The following TMEM207 variants were observed in gnomAD, a reference collection of about 807,000 sequenced individuals.
The protein encoded by TMEM207 is transmembrane protein 207.
A neutral mutation model predicts 17.4 loss-of-function variants in TMEM207; 15 were observed. The observed-to-expected ratio is 0.86, with a 90% confidence interval of 0.58 to 1.33. The LOEUF (loss-of-function observed/expected upper bound fraction) is 1.33, where lower values mean the gene tolerates loss of function less well. Among genes scored for constraint, TMEM207 ranks in the 40% most tolerant of loss-of-function variants. The pLI is 0.00. For synonymous variants in TMEM207, 70 were observed against 65.6 expected (o/e 1.07, Z -0.33); for missense variants, 205 against 173.8 (o/e 1.18, Z -1.01).
At chr3:190,429,967 A>T (rs553882717) in intron 4 of TMEM207, among the ~76,000 whole-genome samples, 109 of 152,292 alleles carry the variant, frequency 7.2e-4, no homozygotes, top group Middle Eastern at 3.4e-3. Flanking sequence ...CTAACCCATC[A>T]AGAAGCATTT....
chr3:190,433,697 G>C (rs754237644), intron 4 of TMEM207, among the ~76,000 whole-genome samples: 9 of 152,088 alleles, frequency 5.9e-5, no homozygotes, highest in African/African-American at 1.9e-4. Flanking sequence ...ACATTTGAGA[G>C]GGGGGAGAAA....
Position 190,447,839 on chromosome 3 carries a change from G to C in TMEM207, c.76-12C>G, listed in dbSNP as rs1183358889. Reference sequence around the variant, plus strand: ...TCCGAGAGCACCAACTGAAACACATGTTTAGAACAATAAAATCCAAACATC... The same window carrying C: ...TCCGAGAGCACCAACTGAAACACATCTTTAGAACAATAAAATCCAAACATC... On this transcript the variant is annotated splice_polypyrimidine_tract_variant and intron_variant, in intron 1 of 4. Transcript: ENST00000354905. 4 of 1,609,920 alleles carry C rather than the reference G, an allele frequency of 2.5e-6. No homozygotes were observed. Among genetic ancestry groups the C allele is most frequent in the Admixed American group, 3.4e-5 (2 of 59,338 alleles).
In TMEM207 at chr3:190,440,442, AAG is replaced by A. The variant is rs1313350282; in HGVS notation, c.159-55_159-54del. 20 of 1,521,912 alleles carry A rather than the reference AAG, an allele frequency of 1.3e-5. No homozygotes were observed. The Admixed American group carries it at 3.4e-4, about 26-fold the overall frequency. 94.3% of individuals were successfully genotyped at this position (1,521,912 alleles called of 1,614,324 possible). ...ATGAGGTAGAGTATGCAGGGAAGTTAAGAGCTTCCATCACTACCTAGAAGTGG... is the reference window on the plus strand; with the variant it reads ...ATGAGGTAGAGTATGCAGGGAAGTTAAGCTTCCATCACTACCTAGAAGTGG... On this transcript the variant is annotated intron_variant, in intron 3 of 4. Transcript: ENST00000354905.
chr3:190,449,626 T>C (rs1259816245), intron 1 of TMEM207, 109 bp downstream of exon 1: 5 of 957,666 alleles, frequency 5.2e-6, no homozygotes, highest in Non-Finnish European at 8.1e-6. Flanking sequence ...GGAAATCTTT[T>C]AAATGTAGAA....
intron 2 of TMEM207, among the ~76,000 whole-genome samples, chr3:190,447,104 GC>G (rs11348717): frequency 0.62 from 94,218 of 151,582 alleles, 29,943 homozygotes; most frequent in African/African-American, 0.72. Context: ...AGAGAGCATG[GC>G]TTTGAGTGTA....
In TMEM207 at chr3:190,441,401, C is replaced by T. The variant is rs373920576; in HGVS notation, c.158+37G>A. On this transcript the variant is annotated intron_variant, in intron 3 of 4. Coordinates refer to ENST00000354905, the MANE Select transcript of TMEM207 (RefSeq NM_207316.3). ...TTTAGGACAAAGACTGTATATACCA[C>T]CAACTGTCATATAAAACAAATGGAA... 152 of 1,529,122 alleles carry T rather than the reference C, an allele frequency of 9.9e-5. 2 individuals are homozygous for T. In the African/African-American group the frequency reaches 1.6e-3, roughly 16 times the overall value. The allele number at this position is 1,529,122 out of a possible 1,614,324, so 94.7% of individuals were successfully genotyped here.
At chr3:190,444,384 C>A (rs1434881767) in intron 2 of TMEM207, 1 of 983,038 alleles carries the variant, frequency 1.0e-6, no homozygotes, top group African/African-American at 1.7e-5. Flanking sequence ...TCTCTTATCA[C>A]CATGTCGTGG....
chr3:190,432,255 C>T (rs896904466), intron 4 of TMEM207, among the ~76,000 whole-genome samples: 3 of 152,174 alleles, frequency 2.0e-5, no homozygotes, highest in Admixed American at 1.3e-4. Flanking sequence ...GTTCTTTCTA[C>T]CTGTTTCTTC....
chr3:190,439,113 C>G (rs1268755273), intron 4 of TMEM207, among the ~76,000 whole-genome samples: 1 of 142,644 alleles, frequency 7.0e-6, no homozygotes, highest in Non-Finnish European at 1.5e-5. Flanking sequence ...GGAGGGGGAG[C>G]TTGCAGTGAG....
In TMEM207 at chr3:190,429,724, T is replaced by A. The variant is rs1323442576; in HGVS notation, c.312A>T (p.Glu104Asp). The change falls in exon 5 of 5, where the codon GAA becomes GAT. Residue 104 changes from glutamate (E) to aspartate (D), a missense_variant. Transcript: ENST00000354905. ...TTCCAACAGTTGGACTCACAGCTGC[T>A]TCTGTCCCTGGAAAGAGAAAGATGA... ...VGDLDSIYGTEAAVSPTVGIH... is the reference protein window; with the variant it reads ...VGDLDSIYGTDAAVSPTVGIH... The A allele has an allele frequency of 6.2e-7, 1 of 1,604,844 alleles. No homozygotes were observed. Among genetic ancestry groups the A allele is most frequent in the South Asian group, 1.1e-5 (1 of 89,424 alleles).
At chr3:190,441,697 A>T (rs577309103) in intron 2 of TMEM207, among the ~76,000 whole-genome samples, 1 of 152,250 alleles carries the variant, frequency 6.6e-6, no homozygotes, top group South Asian at 2.1e-4. Flanking sequence ...ATGTGAAATT[A>T]TCAGACTGAT....
intron 1 of TMEM207, among the ~76,000 whole-genome samples, chr3:190,448,053 C>T (rs1391672215): frequency 6.6e-6 from 1 of 152,088 alleles, no homozygotes; most frequent in African/African-American, 2.4e-5. Context: ...GAACCAGATT[C>T]CATTTCTACA....
intron 4 of TMEM207, 30 bp downstream of exon 4, chr3:190,440,210 CAAAA>C: frequency 6.3e-7 from 1 of 1,577,584 alleles, no homozygotes; most frequent in African/African-American, 1.4e-5. Context: ...CACAAAGTAT[CAAAA>C]AAGAGTCCAG....
chr3:190,430,972 G>A lies in TMEM207; in HGVS notation c.305-1241C>T, dbSNP rs13325242. Among the ~76,000 whole-genome samples, 512 of 152,104 alleles carry A rather than the reference G, an allele frequency of 3.4e-3. 6 individuals are homozygous for A. Among genetic ancestry groups the A allele is most frequent in the African/African-American group, 0.012 (484 of 41,506 alleles). On this transcript the variant is annotated intron_variant, in intron 4 of 4. Transcript: ENST00000354905. ...TTAGTTGCTTCACTAGGATCCATACGGAGATTACTCAAAATGATTACTTTG... is the reference window on the plus strand; with the variant it reads ...TTAGTTGCTTCACTAGGATCCATACAGAGATTACTCAAAATGATTACTTTG...
At chr3:190,439,609 G>A (rs1389384966) in intron 4 of TMEM207, among the ~76,000 whole-genome samples, 1 of 152,130 alleles carries the variant, frequency 6.6e-6, no homozygotes, top group Non-Finnish European at 1.5e-5. Context: ...AAGGCTGGCA[G>A]CTGCAAATAA....
chr3:190,433,417 C>T (rs1019417625), intron 4 of TMEM207, among the ~76,000 whole-genome samples: 6 of 151,060 alleles, frequency 4.0e-5, no homozygotes, highest in Non-Finnish European at 8.9e-5. Flanking sequence ...TAAAACAAAA[C>T]AATTAACCTA....
intron 4 of TMEM207, among the ~76,000 whole-genome samples, chr3:190,436,364 T>A (rs2108533741): frequency 6.6e-6 from 1 of 152,336 alleles, no homozygotes; most frequent in East Asian, 1.9e-4. Flanking sequence ...GAAACCTTAT[T>A]TTGTATTCTA....
At chr3:190,447,610 T>A (rs1027681782) in intron 2 of TMEM207, among the ~76,000 whole-genome samples, 180 bp downstream of exon 2, 2 of 152,288 alleles carry the variant, frequency 1.3e-5, no homozygotes, top group South Asian at 4.1e-4. Flanking sequence ...ATGAAAATTA[T>A]CTTTCCTGTT....
rs367543733 is a variant in TMEM207 at position 190,449,821 on chromosome 3, A to G, written c.-12T>C. The G allele has an allele frequency of 6.9e-5, 112 of 1,612,668 alleles. No homozygotes were observed. Among genetic ancestry groups the G allele is most frequent in the Non-Finnish European group, 9.0e-5 (106 of 1,178,872 alleles). ...CTGGATCTTGACATATTTAAAGGAC[A>G]GTCAACTTAGGATAGTGGTTTGGTG... On this transcript the variant is annotated 5_prime_UTR_variant, in exon 1 of 5. Coordinates refer to ENST00000354905, the MANE Select transcript of TMEM207 (RefSeq NM_207316.3).
Sources: allele counts gnomAD v4.1 joint callset (sites outside exome capture counted in the v4.1 genomes callset), GRCh38; gene constraint gnomAD v4.1.1; transcripts MANE v1.5; gene names NCBI Gene and HGNC (gene_info 2026-07-23, HGNC 2026-07-21).